Variants in TIAM1 observed in about 807,000 individuals in gnomAD.
The protein encoded by TIAM1 is rho guanine nucleotide exchange factor TIAM1.
In TIAM1, 65 loss-of-function variants were observed where a neutral mutation model predicts 163.5. That is an observed-to-expected ratio of 0.40 (90% CI 0.33 to 0.49). TIAM1 has a LOEUF of 0.49. Ranked by LOEUF, TIAM1 falls within the 20% of genes least tolerant of loss-of-function variation. TIAM1 has a pLI of 0.77. For synonymous variants in TIAM1, 833 were observed against 810.1 expected (o/e 1.03, Z -0.48); for missense variants, 1,789 against 2,044.7 (o/e 0.87, Z 2.41).
At chr21:31,385,091 C>T (rs140562807) in intron 2 of TIAM1, among the ~76,000 whole-genome samples, 3 of 152,200 alleles carry the variant, frequency 2.0e-5, no homozygotes, top group Non-Finnish European at 2.9e-5. Flanking sequence ...AACATGGTTT[C>T]GCTCTTATTG....
intron 1 of TIAM1, among the ~76,000 whole-genome samples, chr21:31,531,738 T>G (rs1480776632): frequency 6.9e-6 from 1 of 145,826 alleles, no homozygotes; most frequent in African/African-American, 2.6e-5. Flanking sequence ...AATATCCATT[T>G]TACATTCAAC....
At chr21:31,363,993 G>A (rs1428281154) in intron 2 of TIAM1, among the ~76,000 whole-genome samples, 2 of 152,206 alleles carry the variant, frequency 1.3e-5, no homozygotes, top group Non-Finnish European at 2.9e-5. Flanking sequence ...ATGAGGAAAA[G>A]TGCAGAGCAA....
chr21:31,342,504 T>A (rs2076051685), intron 1 of TIAM1, among the ~76,000 whole-genome samples: 1 of 152,232 alleles, frequency 6.6e-6, no homozygotes, highest in Admixed American at 6.5e-5. Flanking sequence ...AAACCTTTGC[T>A]CTATGAACAA....
rs765609277 is a variant in TIAM1, at chr21:31,266,694, T to A, written c.279A>T (p.Arg93=). The change falls in exon 4 of 28, where the codon CGA becomes CGT. Residue 93 remains arginine (R), a synonymous_variant. Coordinates refer to ENST00000541036, the MANE Select transcript of TIAM1 (RefSeq NM_001353694.2). ...ACACAGGTCTCAAGCCCATGTCCAC[T>A]CGGTCCACCCAGATGGGGCTCCCGA... ...EDFGSPIWVD[R]VDMGLRPVSY... The A allele has an allele frequency of 1.1e-5, 18 of 1,614,034 alleles. No homozygotes were observed. Among genetic ancestry groups the A allele is most frequent in the Non-Finnish European group, 1.5e-5 (18 of 1,180,044 alleles).
Position 31,182,565 on chromosome 21 carries a change from G to A in TIAM1, c.2743C>T (p.Leu915Phe), listed in dbSNP as rs746474979. 6.2e-7 allele frequency: 1 copy of A among 1,614,092 alleles called. No homozygotes were observed. Among genetic ancestry groups the A allele is most frequent in the South Asian group, 1.1e-5 (1 of 91,044 alleles). ...AGGAGGCCCAGCGAGGGCTGTGAGA[G>A]GAAATCTTTGAGCATAGAAGAGTTC... ...ALNSSMLKDF[L>F]SQPSLGLLVR... The change falls in exon 15 of 28, where the codon CTC becomes TTC. Residue 915 changes from leucine (L) to phenylalanine (F), a missense_variant. This residue lies in a region of TIAM1 where 303 missense variants were observed against 321.3 expected (regional missense o/e 0.94). Transcript: ENST00000541036.
chr21:31,356,658 G>A (rs1402521903), intron 2 of TIAM1, among the ~76,000 whole-genome samples: 1 of 152,208 alleles, frequency 6.6e-6, no homozygotes, highest in East Asian at 1.9e-4. Flanking sequence ...CACTCAATCT[G>A]CTGTTGCCTA....
chr21:31,296,997 A>G (rs1324970241), intron 2 of TIAM1, among the ~76,000 whole-genome samples: 1 of 152,172 alleles, frequency 6.6e-6, no homozygotes, highest in African/African-American at 2.4e-5. Context: ...TCTCAAAGGC[A>G]TATCCTTGAC....
chr21:31,544,700 G>A (rs939114507), intron 1 of TIAM1, among the ~76,000 whole-genome samples: 1 of 151,480 alleles, frequency 6.6e-6, no homozygotes, highest in African/African-American at 2.4e-5. Context: ...GGGTTGAACT[G>A]TAGCCCTCAA....
intron 15 of TIAM1, among the ~76,000 whole-genome samples, chr21:31,165,962 C>T (rs1040954085): frequency 2.0e-5 from 3 of 152,178 alleles, no homozygotes; most frequent in African/African-American, 7.2e-5. Flanking sequence ...TACTGAGTGC[C>T]CACCACAGTG....
intron 1 of TIAM1, among the ~76,000 whole-genome samples, chr21:31,553,295 A>G (rs2048756585): frequency 6.6e-6 from 1 of 152,206 alleles, no homozygotes; most frequent in Non-Finnish European, 1.5e-5. Flanking sequence ...GGTAGCCCAT[A>G]TTATGCTAAA....
chr21:31,268,133 G>A (rs1321839280), intron 3 of TIAM1, among the ~76,000 whole-genome samples: 1 of 152,150 alleles, frequency 6.6e-6, no homozygotes, highest in Non-Finnish European at 1.5e-5. Flanking sequence ...GAGTAACTGG[G>A]CATATCTCTG....
chr21:31,448,154 G>C (rs769616940), intron 2 of TIAM1, among the ~76,000 whole-genome samples: 2 of 152,124 alleles, frequency 1.3e-5, no homozygotes, highest in African/African-American at 4.8e-5. Context: ...ATCTGACCAC[G>C]TATCTGGGCA....
In TIAM1 at chr21:31,141,544, CA is replaced by C; in HGVS notation, c.3476-41del. ...ACACAGGTCATGGGGGTGGAACGCC[CA>C]CGTGACTCCCTTCCCACAATTTCCC... On this transcript the variant is annotated intron_variant, in intron 20 of 27. Transcript: ENST00000541036. The surrounding 1 kb of genome is among the most constrained non-coding windows in gnomAD (Gnocchi z 4.7). 1.9e-6 allele frequency: 3 copies of C among 1,596,760 alleles called. No individual in the cohort carries two copies. Among genetic ancestry groups the C allele is most frequent in the Non-Finnish European group, 2.6e-6 (3 of 1,171,014 alleles).
intron 26 of TIAM1, among the ~76,000 whole-genome samples, 197 bp downstream of exon 26, chr21:31,126,868 T>C (rs2082220263): frequency 6.6e-6 from 1 of 152,134 alleles, no homozygotes; most frequent in Non-Finnish European, 1.5e-5. Context: ...GACCTCCATA[T>C]GTGCTCCAAA....
At chr21:31,469,869 C>T (rs889976170) in intron 1 of TIAM1, among the ~76,000 whole-genome samples, 3 of 151,652 alleles carry the variant, frequency 2.0e-5, no homozygotes, top group Admixed American at 1.3e-4. Context: ...AATTTTCTAT[C>T]TTTGCCCTCA....
chr21:31,145,552 G>A (rs190374816), intron 20 of TIAM1, among the ~76,000 whole-genome samples: 4 of 152,210 alleles, frequency 2.6e-5, no homozygotes, highest in East Asian at 1.9e-4. Flanking sequence ...GAACTATGGC[G>A]ACATAACCAC....
chr21:31,266,662 G>C lies in TIAM1; in HGVS notation c.311C>G (p.Thr104Ser), dbSNP rs770378581. Residue 104 changes from threonine (T) to serine (S), a missense_variant, in exon 4 of 28, where the codon ACT becomes AGT. Thr to Ser is a moderately conservative substitution (Grantham distance 58). Coordinates refer to ENST00000541036, the MANE Select transcript of TIAM1 (RefSeq NM_001353694.2). Reference sequence around the variant, plus strand: ...TACGCTGGGAGTGACAGAAGAGTCAGTGTAAGACACAGGTCTCAAGCCCAT... The same window carrying C: ...TACGCTGGGAGTGACAGAAGAGTCACTGTAAGACACAGGTCTCAAGCCCAT... ...VDMGLRPVSYTDSSVTPSVDS... is the reference protein window; with the variant it reads ...VDMGLRPVSYSDSSVTPSVDS... 1 of 1,614,208 alleles carries C rather than the reference G, an allele frequency of 6.2e-7. No individual in the cohort carries two copies. The highest frequency in any genetic ancestry group is 1.7e-5 in the Admixed American group (1 of 60,024).
chr21:31,393,836 C>T (rs1480035093), intron 2 of TIAM1, among the ~76,000 whole-genome samples: 1 of 152,092 alleles, frequency 6.6e-6, no homozygotes, highest in Non-Finnish European at 1.5e-5. Flanking sequence ...AACCATATGG[C>T]CTGCATTTCC....
intron 2 of TIAM1, among the ~76,000 whole-genome samples, chr21:31,298,735 G>GGGGTGTGTGTGT (rs1555923380): frequency 1.4e-5 from 2 of 138,574 alleles, no homozygotes; most frequent in African/African-American, 5.6e-5. Flanking sequence ...TCCAATTGAG[G>GGGGTGTGTGTGT]GTGTGTGTGT....
Sources: allele counts gnomAD v4.1 joint callset (sites outside exome capture counted in the v4.1 genomes callset), GRCh38; gene constraint gnomAD v4.1.1; regional missense constraint gnomAD v4.1.1; non-coding constraint Gnocchi (gnomAD v3.1); transcripts MANE v1.5; gene names NCBI Gene and HGNC (gene_info 2026-07-23, HGNC 2026-07-21).